Variants in RSPH6A observed in about 807,000 individuals in gnomAD.
The protein encoded by RSPH6A is radial spoke head protein 6 homolog A.
A neutral mutation model predicts 66.1 loss-of-function variants in RSPH6A; 49 were observed. The observed-to-expected ratio is 0.74, with a 90% CI of 0.59 to 0.94. The LOEUF (loss-of-function observed/expected upper bound fraction) is 0.94, where lower values mean the gene tolerates loss of function less well. Among genes scored for constraint, RSPH6A ranks in the 40% least tolerant of loss-of-function variants. The pLI is 0.00. For missense variants in RSPH6A, 977 were observed against 948.3 expected (o/e 1.03, Z -0.40); for synonymous variants, 419 against 402.4 (o/e 1.04, Z -0.49).
In RSPH6A at chr19:45,804,747, C is replaced by A. The variant is rs150763678; in HGVS notation, c.1158G>T (p.Ala386=). 38 of 1,612,544 alleles carry A rather than the reference C, an allele frequency of 2.4e-5. No homozygotes were observed. Among genetic ancestry groups the A allele is most frequent in the East Asian group, 4.5e-5 (2 of 44,808 alleles). Residue 386 remains alanine, a synonymous_variant, in exon 3 of 6, where the codon GCG becomes GCT. Coordinates refer to ENST00000221538, the MANE Select transcript of RSPH6A (RefSeq NM_030785.4). The surrounding 1 kb of genome is among the most constrained non-coding windows in gnomAD (Gnocchi z 5.8). ...CCTCCTCGCCCTCCTCCTCGCCGTG[C>A]GCCTCCATGACCTCGCCACCTTCCG... ...EMTEGGEVME[A]HGEEEGEEDE... is the part of the protein sequence containing the mutation.
In RSPH6A at chr19:45,804,655, TC is replaced by T; in HGVS notation, c.1249del (p.Glu417ArgfsTer34). On this transcript the variant is annotated frameshift_variant, in exon 3 of 6. Transcript: ENST00000221538. LOFTEE classifies it high-confidence loss of function. This position sits in a 1 kb window ranked among gnomAD's most constrained non-coding sequence, Gnocchi z 5.8. The stretch of plus-strand genomic sequence containing the variant: ...CTTGTTGGCGCCTGAGCGGCTCTCC[TC>T]CTTGGGGATCACGGGCGGCGGCTTC... Reference protein sequence around the residue: ...VWKPPPVIPKEESRSGANKYL... With the variant: ...VWKPPPVIPKXESRSGANKYL... The T allele has an allele frequency of 6.2e-7, 1 of 1,614,022 alleles. No individual in the cohort carries two copies. The highest frequency in any genetic ancestry group is 8.5e-7 in the Non-Finnish European group (1 of 1,180,018).
chr19:45,814,160 G>C (rs1970666764), intron 1 of RSPH6A, among the ~76,000 whole-genome samples: 1 of 151,708 alleles, frequency 6.6e-6, no homozygotes, highest in African/African-American at 2.4e-5. Context: ...CTATGTCTGG[G>C]GGAAAAAAAA....
intron 2 of RSPH6A, among the ~76,000 whole-genome samples, chr19:45,809,997 A>G (rs988099256): frequency 1.3e-5 from 2 of 152,116 alleles, no homozygotes; most frequent in African/African-American, 4.8e-5. Flanking sequence ...TTGCCCTTCC[A>G]CAGACCCCAC....
At chr19:45,813,151 C>T (rs2146290693) in intron 1 of RSPH6A, among the ~76,000 whole-genome samples, 1 of 152,206 alleles carries the variant, frequency 6.6e-6, no homozygotes, top group South Asian at 2.1e-4. Context: ...TCCCGCTCTC[C>T]CTCTTCCTCC....
intron 5 of RSPH6A, among the ~76,000 whole-genome samples, chr19:45,798,032 A>G (rs1053558028): frequency 6.6e-6 from 1 of 152,102 alleles, no homozygotes; most frequent in African/African-American, 2.4e-5. Flanking sequence ...GGAGGGGACT[A>G]AGAGGTAGGG....
At chr19:45,802,948 C>T (rs1486401842) in intron 3 of RSPH6A, among the ~76,000 whole-genome samples, 2 of 151,358 alleles carry the variant, frequency 1.3e-5, no homozygotes, top group African/African-American at 2.4e-5. Context: ...GTGGCTTACG[C>T]CTGTAATCCC....
In RSPH6A at chr19:45,814,597, G is replaced by A. The variant is rs1385614212; in HGVS notation, c.580C>T (p.Pro194Ser). The change falls in exon 1 of 6, where the codon CCT becomes TCT. Residue 194 changes from proline (P) to serine (S), a missense_variant. Pro to Ser is a moderately conservative substitution (Grantham distance 74, BLOSUM62 -1). Coordinates refer to ENST00000221538, the MANE Select transcript of RSPH6A (RefSeq NM_030785.4). ...HYSAQVPEPEPLELAVQNAKA... is the reference protein window; with the variant it reads ...HYSAQVPEPESLELAVQNAKA... Reference sequence around the variant, plus strand: ...GCGTTCTGCACGGCCAGCTCCAGAGGCTCGGGCTCAGGCACCTGGGCACTG... The same window carrying A: ...GCGTTCTGCACGGCCAGCTCCAGAGACTCGGGCTCAGGCACCTGGGCACTG... 5.7e-6 allele frequency: 9 copies of A among 1,566,830 alleles called. No individual in the cohort carries two copies. Among genetic ancestry groups the A allele is most frequent in the Non-Finnish European group, 7.8e-6 (9 of 1,158,754 alleles).
chr19:45,806,746 G>T (rs1970549413), intron 2 of RSPH6A, among the ~76,000 whole-genome samples: 1 of 135,160 alleles, frequency 7.4e-6, no homozygotes, highest in Admixed American at 7.7e-5. Flanking sequence ...GCCAGAGAAA[G>T]AAGAAGTGTA....
At chr19:45,799,206 A>G (rs1023989771) in intron 5 of RSPH6A, among the ~76,000 whole-genome samples, 1 of 152,272 alleles carries the variant, frequency 6.6e-6, no homozygotes, top group Non-Finnish European at 1.5e-5. Flanking sequence ...TCATCATGCC[A>G]TCTGGTGGAC....
Position 45,810,793 on chromosome 19 carries a change from G to A in RSPH6A, c.698C>T (p.Pro233Leu), listed in dbSNP as rs781327425. The A allele has an allele frequency of 1.1e-5, 18 of 1,613,568 alleles. No individual in the cohort carries two copies. Among genetic ancestry groups the A allele is most frequent in the Non-Finnish European group, 1.5e-5 (18 of 1,179,710 alleles). The stretch of plus-strand genomic sequence containing the variant: ...CTCCAGGACAGACAAGGGGTCCTCA[G>A]GCCGCTGGTTCAGGATCTTGGTCAG... ...NLLTKILNQR[P>L]EDPLSVLESL... The change falls in exon 2 of 6, where the codon CCT becomes CTT. Residue 233 changes from proline to leucine, a missense_variant. Physicochemically the swap from Pro to Leu is moderately conservative, Grantham distance 98. Transcript: ENST00000221538.
At chr19:45,798,757 T>C (rs1019004917) in intron 5 of RSPH6A, among the ~76,000 whole-genome samples, 11 of 149,498 alleles carry the variant, frequency 7.4e-5, no homozygotes, top group African/African-American at 2.7e-4. Flanking sequence ...GAGAATGGCA[T>C]GAACCCGGGA....
chr19:45,814,941 T>G lies in RSPH6A; in HGVS notation c.236A>C (p.Glu79Ala). 1 of 1,613,984 alleles carries G rather than the reference T, an allele frequency of 6.2e-7. No homozygotes were observed. The highest frequency in any genetic ancestry group is 8.5e-7 in the Non-Finnish European group (1 of 1,180,012). ...GTACTCCATGCCACCCAGCCGGGCT[T>G]CCTCAGCCTGGAAGACCTGGGGCAT... ...LLMPQVFQAE[E>A]ARLGGMEYPS... The change falls in exon 1 of 6, where the codon GAA becomes GCA. Residue 79 changes from glutamate (E) to alanine (A), a missense_variant. Glu to Ala is a moderately radical substitution (Grantham distance 107). Coordinates refer to ENST00000221538, the MANE Select transcript of RSPH6A (RefSeq NM_030785.4).
Position 45,800,488 on chromosome 19 carries a change from C to T in RSPH6A, c.1874G>A (p.Arg625His), listed in dbSNP as rs375509570. 15 of 1,613,320 alleles carry T rather than the reference C, an allele frequency of 9.3e-6. No individual in the cohort carries two copies. Among genetic ancestry groups the T allele is most frequent in the Middle Eastern group, 1.6e-4 (1 of 6,080 alleles). The change falls in exon 5 of 6, where the codon CGC becomes CAC. Residue 625 changes from arginine to histidine, a missense_variant. Physicochemically the swap from Arg to His is conservative, Grantham distance 29. Transcript: ENST00000221538. ...LCPQYSVAVV[R>H]SNLWPGAYAY... ...ATAGGCCCCGGGCCAGAGGTTGGAG[C>T]GCACAACGGCCACTGAGTACTGCGG...
At chr19:45,810,519 C>T in intron 2 of RSPH6A, 84 bp downstream of exon 2, 1 of 1,301,066 alleles carries the variant, frequency 7.7e-7, no homozygotes, top group Non-Finnish European at 1.1e-6. Context: ...TCTTTCGCCT[C>T]CAGGCCTTGG....
In RSPH6A at chr19:45,804,435, G is replaced by A. The variant is rs144160794; in HGVS notation, c.1470C>T (p.Ala490=). 70 of 1,613,840 alleles carry A rather than the reference G, an allele frequency of 4.3e-5. No homozygotes were observed. The highest frequency in any genetic ancestry group is 5.7e-5 in the Non-Finnish European group (67 of 1,179,980). Residue 490 remains alanine (A), a synonymous_variant, in exon 3 of 6, where the codon GCC becomes GCT. Coordinates refer to ENST00000221538, the MANE Select transcript of RSPH6A (RefSeq NM_030785.4). This position sits in a 1 kb window ranked among gnomAD's most constrained non-coding sequence, Gnocchi z 5.8. The part of the protein sequence containing the change: ...YLRAQIARIS[A]ATQVSPLGFY... Reference sequence around the variant, plus strand: ...AGCCCAGCGGGCTGACCTGCGTGGCGGCCGAGATGCGGGCTATCTGGGCCC... The same window carrying A: ...AGCCCAGCGGGCTGACCTGCGTGGCAGCCGAGATGCGGGCTATCTGGGCCC...
chr19:45,815,253 C>T lies in RSPH6A; in HGVS notation c.-77G>A, dbSNP rs1179786490. 7.1e-6 allele frequency: 10 copies of T among 1,409,584 alleles called. No individual in the cohort carries two copies. Among genetic ancestry groups the T allele is most frequent in the Non-Finnish European group, 8.4e-6 (9 of 1,069,350 alleles). The allele number at this position is 1,409,584 out of a possible 1,614,324, so 87.3% of individuals were successfully genotyped here. A position where few individuals can be genotyped will look rare whatever the true frequency, so the allele number is the denominator to read the frequency against. On this transcript the variant is annotated 5_prime_UTR_variant, in exon 1 of 6. Coordinates refer to ENST00000221538, the MANE Select transcript of RSPH6A (RefSeq NM_030785.4). ...CCAAGCGAGAGCCACCTGTCGACAC[C>T]GCCGGTTTCTGAGCACCGAGAGAGG...
chr19:45,812,732 G>A (rs1970646081), intron 1 of RSPH6A, among the ~76,000 whole-genome samples: 1 of 152,086 alleles, frequency 6.6e-6, no homozygotes, highest in African/African-American at 2.4e-5. Flanking sequence ...GTCTCGCTCT[G>A]TTGCTCAGGC....
Position 45,796,148 on chromosome 19 carries a change from C to A in RSPH6A, c.1917-42G>T, listed in dbSNP as rs371048616. ...ACACTGTGAAATTCTCCCTCAAAGGCCCCAGACTTGACTTTTTTTTTTTTT... is the reference window on the plus strand; with the variant it reads ...ACACTGTGAAATTCTCCCTCAAAGGACCCAGACTTGACTTTTTTTTTTTTT... On this transcript the variant is annotated intron_variant, in intron 5 of 5. Transcript: ENST00000221538. The A allele has an allele frequency of 3.5e-6, 5 of 1,428,990 alleles. No homozygotes were observed. The African/African-American group carries it at 5.8e-5, about 17-fold the overall frequency. 88.5% of individuals were successfully genotyped at this position (1,428,990 alleles called of 1,614,324 possible).
intron 2 of RSPH6A, among the ~76,000 whole-genome samples, chr19:45,805,843 A>T (rs189690565): frequency 2.7e-4 from 41 of 152,120 alleles, no homozygotes; most frequent in African/African-American, 8.4e-4. Context: ...CTAGGAGAAA[A>T]TTTTTCTTGC....
Sources: allele counts gnomAD v4.1 joint callset (sites outside exome capture counted in the v4.1 genomes callset), GRCh38; gene constraint gnomAD v4.1.1; non-coding constraint Gnocchi (gnomAD v3.1); transcripts MANE v1.5; gene names NCBI Gene and HGNC (gene_info 2026-07-23, HGNC 2026-07-21).